ARSB: variants seen among roughly 807,000 people sequenced by gnomAD.
ARSB encodes arylsulfatase B.
In ARSB, 41 loss-of-function variants were observed where a neutral mutation model predicts 50.9. The ratio of observed to expected loss-of-function variants is 0.81; its 90% confidence interval spans 0.63 to 1.04. The LOEUF (loss-of-function observed/expected upper bound fraction) is 1.04. ARSB is among the 50% of genes least tolerant of loss of function. ARSB has a pLI of 0.00. For synonymous variants in ARSB, 269 were observed against 284.8 expected (o/e 0.94, Z 0.56); for missense variants, 672 against 693.3 (o/e 0.97, Z 0.35).
intron 5 of ARSB, among the ~76,000 whole-genome samples, chr5:78,841,059 C>G (rs1355342901): frequency 2.6e-5 from 4 of 151,884 alleles, no homozygotes; most frequent in Admixed American, 2.6e-4. Flanking sequence ...CTTTGGGAGG[C>G]TGAGATGGGA....
chr5:78,859,228 T>A (rs1166362977), intron 5 of ARSB, among the ~76,000 whole-genome samples: 2 of 152,134 alleles, frequency 1.3e-5, no homozygotes, highest in African/African-American at 2.4e-5. Context: ...GTTGATGAAA[T>A]TCAGTGAGGA....
chr5:78,949,249 T>C (rs909185501), intron 4 of ARSB, among the ~76,000 whole-genome samples: 1 of 152,230 alleles, frequency 6.6e-6, no homozygotes, highest in African/African-American at 2.4e-5. Context: ...CTAAAAATTA[T>C]GCCTTTGCCT....
In ARSB at chr5:78,778,532, C is replaced by A. The variant is rs950851884; in HGVS notation, c.*1865G>T. 5 of 152,162 alleles carry A rather than the reference C, an allele frequency of 3.3e-5. No homozygotes were observed. Among genetic ancestry groups the A allele is most frequent in the Admixed American group, 6.5e-5 (1 of 15,282 alleles). The allele number at this position is 152,162 out of a possible 1,614,324, so 9.4% of individuals were successfully genotyped here. On this transcript the variant is annotated 3_prime_UTR_variant, in exon 8 of 8. Transcript: ENST00000264914. Reference sequence around the variant, plus strand: ...CCTTTTCTCCCCCCACTGGAGAGGACGCTACAACCTTGCTATAGAGTGTCC... The same window carrying A: ...CCTTTTCTCCCCCCACTGGAGAGGAAGCTACAACCTTGCTATAGAGTGTCC...
intron 4 of ARSB, among the ~76,000 whole-genome samples, chr5:78,902,689 C>A (rs115249550): frequency 0.015 from 2,253 of 152,192 alleles, 27 homozygotes; most frequent in South Asian, 0.041. Context: ...TTGTATGATT[C>A]CATTTTTACG....
intron 1 of ARSB, among the ~76,000 whole-genome samples, chr5:78,976,276 TA>T (rs1752658982): frequency 7.3e-6 from 1 of 136,508 alleles, no homozygotes; most frequent in African/African-American, 2.6e-5. Flanking sequence ...AAAAACAGGC[TA>T]CTTTTTTTTT....
chr5:78,907,329 C>T (rs1352968266), intron 4 of ARSB, among the ~76,000 whole-genome samples: 2 of 152,176 alleles, frequency 1.3e-5, no homozygotes, highest in African/African-American at 4.8e-5. Flanking sequence ...TTGATCACTC[C>T]TGACCCTGTT....
chr5:78,838,166 G>A (rs1475555077), intron 6 of ARSB, among the ~76,000 whole-genome samples: 2 of 152,184 alleles, frequency 1.3e-5, no homozygotes, highest in Non-Finnish European at 2.9e-5. Flanking sequence ...AACATGTGAG[G>A]GATGCTATAC....
At chr5:78,813,500 G>A (rs945807324) in intron 6 of ARSB, among the ~76,000 whole-genome samples, 4 of 152,210 alleles carry the variant, frequency 2.6e-5, no homozygotes, top group African/African-American at 9.7e-5. Flanking sequence ...ACTCACACCT[G>A]TAATCCCAAC....
intron 4 of ARSB, among the ~76,000 whole-genome samples, chr5:78,913,043 T>A (rs946270449): frequency 1.3e-5 from 2 of 152,086 alleles, no homozygotes; most frequent in Admixed American, 1.3e-4. Flanking sequence ...GCTGGAGCAA[T>A]GTTGCCTGCA....
At chr5:78,789,389 G>A (rs1397295161) in intron 6 of ARSB, among the ~76,000 whole-genome samples, 1 of 152,214 alleles carries the variant, frequency 6.6e-6, no homozygotes, top group African/African-American at 2.4e-5. Flanking sequence ...TTCATGCTCA[G>A]AGAGAAGAGC....
At chr5:78,826,540 A>C (rs1744439975) in intron 6 of ARSB, among the ~76,000 whole-genome samples, 1 of 152,196 alleles carries the variant, frequency 6.6e-6, no homozygotes, top group African/African-American at 2.4e-5. Flanking sequence ...AAAGGCAGGT[A>C]CTGGGGGCAG....
intron 6 of ARSB, among the ~76,000 whole-genome samples, chr5:78,812,134 G>A (rs1190680703): frequency 1.3e-5 from 2 of 152,142 alleles, no homozygotes; most frequent in Non-Finnish European, 2.9e-5. Context: ...GGATTCACAG[G>A]CAAATCAACT....
chr5:78,954,948 C>T (rs1457654859), intron 4 of ARSB, among the ~76,000 whole-genome samples: 1 of 152,068 alleles, frequency 6.6e-6, no homozygotes, highest in Non-Finnish European at 1.5e-5. Context: ...GAGTTGTGAC[C>T]ATAGAGGATG....
intron 1 of ARSB, among the ~76,000 whole-genome samples, chr5:78,981,462 C>A (rs967280751): frequency 6.6e-6 from 1 of 152,222 alleles, no homozygotes; most frequent in African/African-American, 2.4e-5. Flanking sequence ...GTAGTACACG[C>A]AATTTGTAAG....
At chr5:78,832,449 T>G (rs1425944446) in intron 6 of ARSB, among the ~76,000 whole-genome samples, 4 of 152,174 alleles carry the variant, frequency 2.6e-5, no homozygotes, top group African/African-American at 9.7e-5. Flanking sequence ...CTCGAGTATT[T>G]ATAACAGTAC....
At chr5:78,977,246 C>T (rs529177723) in intron 1 of ARSB, among the ~76,000 whole-genome samples, 3 of 151,646 alleles carry the variant, frequency 2.0e-5, no homozygotes, top group Non-Finnish European at 2.9e-5. Flanking sequence ...CTCCGTCTCC[C>T]GGGTTCAAGC....
intron 4 of ARSB, among the ~76,000 whole-genome samples, chr5:78,900,728 C>T (rs1748764505): frequency 6.6e-6 from 1 of 152,070 alleles, no homozygotes; most frequent in Non-Finnish European, 1.5e-5. Context: ...TTGATTCATG[C>T]CCTCTTCCTT....
intron 4 of ARSB, among the ~76,000 whole-genome samples, chr5:78,894,479 T>A (rs1748475860): frequency 1.3e-5 from 2 of 152,102 alleles, no homozygotes; most frequent in Admixed American, 1.3e-4. Flanking sequence ...TGAAACTGAG[T>A]GGACAGGCAG....
chr5:78,870,679 C>T (rs1336671038), intron 5 of ARSB, among the ~76,000 whole-genome samples: 1 of 150,272 alleles, frequency 6.7e-6, no homozygotes. Flanking sequence ...ATAATAAGAG[C>T]TATCTATGAC....
Sources: allele counts gnomAD v4.1 joint callset (sites outside exome capture counted in the v4.1 genomes callset), GRCh38; gene constraint gnomAD v4.1.1; transcripts MANE v1.5; gene names NCBI Gene and HGNC (gene_info 2026-07-23, HGNC 2026-07-21).